The following NKAIN1 variants were observed in gnomAD, a reference collection of about 807,000 sequenced individuals.
NKAIN1 encodes sodium/potassium transporting ATPase interacting 1.
Under a neutral mutation model 31.6 loss-of-function variants are expected in NKAIN1, and 13 were observed. The observed-to-expected ratio is 0.41, with a 90% CI of 0.27 to 0.65. NKAIN1 has a LOEUF of 0.65. NKAIN1 is among the 30% of genes least tolerant of loss of function. The pLI is 0.30. For missense variants in NKAIN1, 193 were observed against 262.2 expected, an observed-to-expected ratio of 0.74 and a Z score of 1.82; for synonymous variants, 104 against 109.0, an observed-to-expected ratio of 0.95 and a Z score of 0.28.
Position 31,182,520 on chromosome 1 carries a change from C to T in NKAIN1, c.532+10G>A, listed in dbSNP as rs774198122. ...CAGATTCCCCACTTCCCCAGGGGCG[C>T]CTTACTCACAGCTGTCCTCCTCCTC... is the stretch of plus-strand genomic sequence containing the variant. On this transcript the variant is annotated intron_variant, in intron 5 of 6. Coordinates refer to ENST00000373736, the MANE Select transcript of NKAIN1 (RefSeq NM_024522.3). 1 of 1,614,100 alleles carries T rather than the reference C, an allele frequency of 6.2e-7. No homozygotes were observed. The highest frequency in any genetic ancestry group is 8.5e-7 in the Non-Finnish European group (1 of 1,179,952).
intron 1 of NKAIN1, among the ~76,000 whole-genome samples, chr1:31,191,400 GT>G (rs34521416): frequency 0.12 from 16,205 of 134,026 alleles, 958 homozygotes; most frequent in Admixed American, 0.19. Flanking sequence ...ACAGAGAGAG[GT>G]TTTTTTTTTT....
chr1:31,210,239 G>A (rs1645457314), intron 1 of NKAIN1, among the ~76,000 whole-genome samples: 1 of 151,638 alleles, frequency 6.6e-6, no homozygotes, highest in Non-Finnish European at 1.5e-5. Context: ...CCATACCCAC[G>A]GGCCACAAAG....
intron 1 of NKAIN1, among the ~76,000 whole-genome samples, chr1:31,195,892 CAAA>C (rs35343235): frequency 1.7e-5 from 2 of 118,132 alleles, no homozygotes. Context: ...CTACCTGTCT[CAAA>C]AAAAAAAAAA....
In NKAIN1 at chr1:31,180,434, A is replaced by T. The variant is rs1447994514; in HGVS notation, c.*1269T>A. The T allele has an allele frequency of 1.3e-5, 2 of 152,276 alleles. No homozygotes were observed. Among genetic ancestry groups the T allele is most frequent in the African/African-American group, 2.4e-5 (1 of 41,442 alleles). 9.4% of individuals were successfully genotyped at this position (152,276 alleles called of 1,614,324 possible). Reference sequence around the variant, plus strand: ...CCCAAGGAAGGGTGAGGGTGCTGGCAATCCCGACTCCCCGACTACTCACAC... The same window carrying T: ...CCCAAGGAAGGGTGAGGGTGCTGGCTATCCCGACTCCCCGACTACTCACAC... On this transcript the variant is annotated 3_prime_UTR_variant, in exon 7 of 7. Coordinates refer to ENST00000373736, the MANE Select transcript of NKAIN1 (RefSeq NM_024522.3).
chr1:31,203,272 T>A (rs1047075665), intron 1 of NKAIN1, among the ~76,000 whole-genome samples: 3 of 148,874 alleles, frequency 2.0e-5, no homozygotes, highest in Non-Finnish European at 3.0e-5. Context: ...CTCAAAAAAA[T>A]AAAAAATAAA....
chr1:31,198,916 A>G (rs1052123125), intron 1 of NKAIN1, among the ~76,000 whole-genome samples: 15 of 152,094 alleles, frequency 9.9e-5, no homozygotes, highest in Admixed American at 5.9e-4. Flanking sequence ...AGATGGGCCC[A>G]CCCTAGCTCC....
chr1:31,185,222 T>C (rs775896900), intron 3 of NKAIN1, 25 bp downstream of exon 3: 4 of 1,584,802 alleles, frequency 2.5e-6, no homozygotes, highest in Admixed American at 1.7e-5. Context: ...CTCTGCCCTA[T>C]GGCACTGCCA....
At position 31,191,399 on chromosome 1, in the gene NKAIN1, GGTTTTT is replaced by G. The variant is rs1462446250; in HGVS notation, c.55-3218_55-3213del. On this transcript the variant is annotated intron_variant, in intron 1 of 6. Coordinates refer to ENST00000373736, the MANE Select transcript of NKAIN1 (RefSeq NM_024522.3). ...ACCTTATTGATAGAAAACAGAGAGA[GGTTTTT>G]TTTTTTTTTTTTTTTTAAAGCAGTA... Among the ~76,000 whole-genome samples the G allele has an allele frequency of 6.6e-5, 7 of 106,122 alleles. 1 individual carries two copies. In the East Asian group the frequency reaches 9.3e-4, roughly 14 times the overall value. 69.6% of individuals were successfully genotyped at this position (106,122 alleles called of 152,430 possible).
chr1:31,185,099 GA>G, intron 3 of NKAIN1, 147 bp downstream of exon 3: 1 of 652,312 alleles, frequency 1.5e-6, no homozygotes, highest in South Asian at 1.9e-5. Context: ...GTGTAAGTAG[GA>G]AATGGGGCAC....
intron 1 of NKAIN1, among the ~76,000 whole-genome samples, chr1:31,238,538 G>C (rs1027778858): frequency 1.3e-5 from 2 of 152,118 alleles, no homozygotes; most frequent in African/African-American, 4.8e-5. Context: ...AAATTCCCCT[G>C]CCAGGGCCTG....
chr1:31,195,941 C>G (rs990058436), intron 1 of NKAIN1, among the ~76,000 whole-genome samples: 1 of 151,752 alleles, frequency 6.6e-6, no homozygotes, highest in Admixed American at 6.6e-5. Context: ...TGATATCAGC[C>G]TTATCTATCT....
chr1:31,224,770 G>A (rs1282523541), intron 1 of NKAIN1, among the ~76,000 whole-genome samples: 2 of 152,220 alleles, frequency 1.3e-5, no homozygotes, highest in Non-Finnish European at 2.9e-5. Flanking sequence ...CCACCAGCAC[G>A]GAGGTGACAG....
At chr1:31,211,156 G>T (rs1489668164) in intron 1 of NKAIN1, among the ~76,000 whole-genome samples, 2 of 152,068 alleles carry the variant, frequency 1.3e-5, no homozygotes, top group Non-Finnish European at 2.9e-5. Flanking sequence ...GTTCTAGCCA[G>T]GACAATTAGG....
chr1:31,232,422 T>TGG lies in NKAIN1; in HGVS notation c.54+7071_54+7072insCC, dbSNP rs1557664454. 8.1e-3 allele frequency among the ~76,000 whole-genome samples: 208 copies of TGG among 25,808 alleles called. 16 individuals carry two copies. Among genetic ancestry groups the TGG allele is most frequent in the African/African-American group, 0.023 (202 of 8,626 alleles). The allele number at this position is 25,808 out of a possible 152,430, so 16.9% of individuals were successfully genotyped here. A position where few individuals can be genotyped will look rare whatever the true frequency, so the allele number is the denominator to read the frequency against. ...ATATATATATATATATATATATATA[T>TGG]ATAGAGAGAGAGAGAGAGAGAGAGA... is the stretch of plus-strand genomic sequence containing the variant. On this transcript the variant is annotated intron_variant, in intron 1 of 6. Coordinates refer to ENST00000373736, the MANE Select transcript of NKAIN1 (RefSeq NM_024522.3).
intron 1 of NKAIN1, among the ~76,000 whole-genome samples, chr1:31,216,968 C>T (rs1363977885): frequency 6.6e-6 from 1 of 151,926 alleles, no homozygotes. Flanking sequence ...CGCATTCAAG[C>T]GATTCTCCCG....
chr1:31,234,101 A>G (rs1410883365), intron 1 of NKAIN1, among the ~76,000 whole-genome samples: 1 of 152,230 alleles, frequency 6.6e-6, no homozygotes, highest in Non-Finnish European at 1.5e-5. Context: ...CCCATCTCAT[A>G]AGGGCCTCGA....
chr1:31,232,412 TATATATATATATA>T (rs1645657695), intron 1 of NKAIN1, among the ~76,000 whole-genome samples: 1 of 32,780 alleles, frequency 3.1e-5, no homozygotes, highest in African/African-American at 9.8e-5. Context: ...TATATATATA[TATATATATATATA>T]GAGAGAGAGA....
intron 1 of NKAIN1, among the ~76,000 whole-genome samples, chr1:31,214,928 A>G (rs1645499285): frequency 6.6e-6 from 1 of 152,206 alleles, no homozygotes; most frequent in Non-Finnish European, 1.5e-5. Context: ...ATGGGACACT[A>G]AGCCCTCCGG....
At chr1:31,210,351 C>T (rs1460205881) in intron 1 of NKAIN1, among the ~76,000 whole-genome samples, 1 of 151,288 alleles carries the variant, frequency 6.6e-6, no homozygotes. Context: ...TGCAGTGGCA[C>T]CATGTTGGCT....
Sources: allele counts gnomAD v4.1 joint callset (sites outside exome capture counted in the v4.1 genomes callset), GRCh38; gene constraint gnomAD v4.1.1; transcripts MANE v1.5; gene names NCBI Gene and HGNC (gene_info 2026-07-23, HGNC 2026-07-21).